Variants in LRRTM4 observed in about 807,000 individuals in gnomAD.
LRRTM4 encodes leucine-rich repeat transmembrane neuronal protein 4.
In LRRTM4, 25 loss-of-function variants were observed where a neutral mutation model predicts 47.6. The observed-to-expected ratio is 0.53, with a 90% CI of 0.38 to 0.73. The LOEUF (loss-of-function observed/expected upper bound fraction) is 0.73. Among genes scored for constraint, LRRTM4 ranks in the 30% least tolerant of loss-of-function variants. The pLI is 0.00. For synonymous variants in LRRTM4, 311 were observed against 269.5 expected (o/e 1.15, Z -1.51); for missense variants, 638 against 713.4 (o/e 0.89, Z 1.20).
rs187912941 is a variant in LRRTM4, at chr2:76,901,600, A to T, written c.1552-152684T>A. On this transcript the variant is annotated intron_variant, in intron 3 of 3. Coordinates refer to ENST00000409884, the MANE Select transcript of LRRTM4 (RefSeq NM_001134745.3). ...GTATCTCTAAGCACTGTAAAAAAAA[A>T]TTTTTAAAGACTTTTCTGTTTAATT... Among the ~76,000 whole-genome samples, 29 of 152,088 alleles carry T rather than the reference A, an allele frequency of 1.9e-4. No homozygotes were observed. The East Asian group carries it at 1.9e-3, about 10-fold the overall frequency.
At chr2:76,854,065 A>G (rs1268061252) in intron 3 of LRRTM4, among the ~76,000 whole-genome samples, 3 of 152,198 alleles carry the variant, frequency 2.0e-5, no homozygotes. Flanking sequence ...CTGAGTTGGC[A>G]ATCTTACAGA....
At chr2:77,273,829 G>T (rs1021390613) in intron 3 of LRRTM4, among the ~76,000 whole-genome samples, 3 of 152,060 alleles carry the variant, frequency 2.0e-5, no homozygotes, top group African/African-American at 7.2e-5. Flanking sequence ...ATCATGTATT[G>T]ATTGACTTTA....
At chr2:76,888,904 C>G (rs1673164238) in intron 3 of LRRTM4, among the ~76,000 whole-genome samples, 1 of 151,780 alleles carries the variant, frequency 6.6e-6, no homozygotes, top group Non-Finnish European at 1.5e-5. Flanking sequence ...AGCTGTGAGA[C>G]TAAATTATTC....
intron 3 of LRRTM4, among the ~76,000 whole-genome samples, chr2:77,351,292 A>T (rs976022041): frequency 6.6e-6 from 1 of 152,044 alleles, no homozygotes; most frequent in Admixed American, 6.6e-5. Context: ...AAAACACATA[A>T]AATTCAGAAA....
intron 3 of LRRTM4, among the ~76,000 whole-genome samples, chr2:77,014,736 T>C (rs1216314197): frequency 1.3e-5 from 2 of 151,940 alleles, no homozygotes; most frequent in Non-Finnish European, 1.5e-5. Context: ...CGTTTGAACC[T>C]GGGAGGTGGA....
intron 3 of LRRTM4, among the ~76,000 whole-genome samples, chr2:77,360,551 T>TACAC (rs1351542309): frequency 1.1e-4 from 9 of 79,222 alleles, no homozygotes; most frequent in Non-Finnish European, 2.3e-4. Context: ...CAATCATTCA[T>TACAC]ACATACATAC....
intron 3 of LRRTM4, among the ~76,000 whole-genome samples, chr2:77,465,305 A>G (rs932992076): frequency 1.3e-4 from 20 of 152,296 alleles, no homozygotes; most frequent in South Asian, 8.3e-4. Flanking sequence ...AACCATGTGA[A>G]CTGAAATTTC....
chr2:77,014,385 G>A (rs973900638), intron 3 of LRRTM4, among the ~76,000 whole-genome samples: 1 of 151,816 alleles, frequency 6.6e-6, no homozygotes, highest in African/African-American at 2.4e-5. Context: ...CAAATGTACA[G>A]AACACAAATA....
intron 3 of LRRTM4, among the ~76,000 whole-genome samples, chr2:76,951,404 C>T (rs1156548703): frequency 1.3e-5 from 2 of 151,920 alleles, no homozygotes; most frequent in Non-Finnish European, 2.9e-5. Context: ...AAGATAATTA[C>T]CGTTAACCTA....
chr2:77,120,660 A>G (rs1301048075), intron 3 of LRRTM4, among the ~76,000 whole-genome samples: 1 of 151,850 alleles, frequency 6.6e-6, no homozygotes, highest in Non-Finnish European at 1.5e-5. Flanking sequence ...TCACTTTCTT[A>G]GACTCAAGTC....
intron 3 of LRRTM4, among the ~76,000 whole-genome samples, chr2:77,169,038 T>TAA (rs536564548): frequency 1.2e-4 from 19 of 152,236 alleles, no homozygotes; most frequent in African/African-American, 4.3e-4. Flanking sequence ...CCTTTTATGA[T>TAA]AAAAAACTCT....
intron 3 of LRRTM4, among the ~76,000 whole-genome samples, chr2:77,018,074 T>C (rs1191999091): frequency 6.6e-6 from 1 of 151,980 alleles, no homozygotes; most frequent in African/African-American, 2.4e-5. Flanking sequence ...GGTATACAAA[T>C]TGTTTAATGT....
At chr2:77,468,917 A>T (rs909645965) in intron 3 of LRRTM4, among the ~76,000 whole-genome samples, 1 of 152,214 alleles carries the variant, frequency 6.6e-6, no homozygotes, top group African/African-American at 2.4e-5. Context: ...CCATTCTGAG[A>T]ACTGAATATC....
At chr2:77,484,522 T>G (rs1242347836) in intron 3 of LRRTM4, among the ~76,000 whole-genome samples, 1 of 152,188 alleles carries the variant, frequency 6.6e-6, no homozygotes, top group Non-Finnish European at 1.5e-5. Context: ...ACTTTCTGTT[T>G]TTTCTTTTTC....
intron 3 of LRRTM4, among the ~76,000 whole-genome samples, chr2:76,811,425 C>T (rs1337373131): frequency 1.3e-5 from 2 of 152,130 alleles, no homozygotes; most frequent in Non-Finnish European, 2.9e-5. Flanking sequence ...GACAAAACAA[C>T]ATTGGCTGGG....
In LRRTM4 at chr2:76,913,153, C is replaced by T. The variant is rs1002154505; in HGVS notation, c.1552-164237G>A. Among the ~76,000 whole-genome samples, 10 of 152,188 alleles carry T rather than the reference C, an allele frequency of 6.6e-5. No individual in the cohort carries two copies. The East Asian group carries it at 1.9e-3, about 29-fold the overall frequency. On this transcript the variant is annotated intron_variant, in intron 3 of 3. Coordinates refer to ENST00000409884, the MANE Select transcript of LRRTM4 (RefSeq NM_001134745.3). Reference sequence around the variant, plus strand: ...GAATATATCTTTACATCTGTCTTTCCTGCTTTGCTTGTCCATAATCTTGAC... The same window carrying T: ...GAATATATCTTTACATCTGTCTTTCTTGCTTTGCTTGTCCATAATCTTGAC...
At chr2:77,487,272 C>T (rs1677954627) in intron 3 of LRRTM4, among the ~76,000 whole-genome samples, 1 of 152,206 alleles carries the variant, frequency 6.6e-6, no homozygotes, top group Non-Finnish European at 1.5e-5. Flanking sequence ...TCCCTGTGCT[C>T]TTGGGGACCC....
intron 3 of LRRTM4, among the ~76,000 whole-genome samples, chr2:76,975,401 G>C (rs1449465590): frequency 7.4e-6 from 1 of 135,732 alleles, no homozygotes; most frequent in African/African-American, 3.2e-5. Context: ...AATCATAAGA[G>C]ACTTATTTAT....
intron 3 of LRRTM4, among the ~76,000 whole-genome samples, chr2:77,244,870 A>G (rs2103998672): frequency 6.6e-6 from 1 of 152,250 alleles, no homozygotes; most frequent in South Asian, 2.1e-4. Flanking sequence ...AGTTCATGAG[A>G]AAACAAATCC....
Sources: allele counts gnomAD v4.1 joint callset (sites outside exome capture counted in the v4.1 genomes callset), GRCh38; gene constraint gnomAD v4.1.1; transcripts MANE v1.5; gene names NCBI Gene and HGNC (gene_info 2026-07-23, HGNC 2026-07-21).